The following ROBO2 variants were observed in gnomAD, a reference collection of about 807,000 sequenced individuals.
The protein encoded by ROBO2 is roundabout homolog 2.
Under a neutral mutation model 160.8 loss-of-function variants are expected in ROBO2, and 53 were observed. That is an observed-to-expected ratio of 0.33 (90% confidence interval 0.26 to 0.41). ROBO2 has a LOEUF of 0.41. Among genes scored for constraint, ROBO2 ranks in the 10% least tolerant of loss-of-function variants. The probability of loss-of-function intolerance (pLI) is 1.00; values close to 1 mark genes in which losing one functional copy is unlikely to be tolerated. For missense variants in ROBO2, 1,577 were observed against 1,722.4 expected (o/e 0.92, Z 1.49); for synonymous variants, 664 against 611.7 (o/e 1.09, Z -1.26).
At chr3:77,019,002 C>G (rs1396609758) in intron 2 of ROBO2, among the ~76,000 whole-genome samples, 1 of 152,146 alleles carries the variant, frequency 6.6e-6, no homozygotes, top group African/African-American at 2.4e-5. Context: ...CATCCCCGCT[C>G]AAGTTGGTGT....
At chr3:77,248,086 G>C (rs2089936427) in intron 2 of ROBO2, among the ~76,000 whole-genome samples, 1 of 152,184 alleles carries the variant, frequency 6.6e-6, no homozygotes, top group Non-Finnish European at 1.5e-5. Context: ...GACTGGGATG[G>C]ATGTTGGAGA....
chr3:76,654,928 T>TA (rs3065727), intron 2 of ROBO2, among the ~76,000 whole-genome samples: 44,549 of 142,538 alleles, frequency 0.31, 7,294 homozygotes, highest in East Asian at 0.4. Flanking sequence ...TATATATATA[T>TA]TTATATATAT....
At chr3:77,493,967 T>A (rs1323173779) in intron 5 of ROBO2, among the ~76,000 whole-genome samples, 1 of 152,150 alleles carries the variant, frequency 6.6e-6, no homozygotes, top group African/African-American at 2.4e-5. Flanking sequence ...CATCTCCTTC[T>A]TATTGTTCTT....
At chr3:76,760,980 T>C (rs1317435942) in intron 2 of ROBO2, among the ~76,000 whole-genome samples, 1 of 151,664 alleles carries the variant, frequency 6.6e-6, no homozygotes, top group Non-Finnish European at 1.5e-5. Flanking sequence ...GCAGTTTGAT[T>C]AAGAAGGAAA....
chr3:75,918,997 AT>A (rs1211628858), intron 1 of ROBO2, among the ~76,000 whole-genome samples: 1 of 152,004 alleles, frequency 6.6e-6, no homozygotes, highest in East Asian at 1.9e-4. Context: ...AGACAATTTG[AT>A]TTCCTCTCTT....
intron 2 of ROBO2, among the ~76,000 whole-genome samples, chr3:76,753,860 T>G (rs1228288845): frequency 6.6e-6 from 1 of 151,920 alleles, no homozygotes; most frequent in Non-Finnish European, 1.5e-5. Flanking sequence ...TCAATATAAC[T>G]GAAACAAATT....
At chr3:76,272,191 T>C (rs748366568) in intron 2 of ROBO2, among the ~76,000 whole-genome samples, 4 of 152,164 alleles carry the variant, frequency 2.6e-5, no homozygotes, top group African/African-American at 4.8e-5. Flanking sequence ...CTTGAAGTTA[T>C]GTAAAGTAGC....
At chr3:76,507,479 A>C (rs1294053773) in intron 2 of ROBO2, among the ~76,000 whole-genome samples, 2 of 152,118 alleles carry the variant, frequency 1.3e-5, no homozygotes, top group Non-Finnish European at 2.9e-5. Flanking sequence ...GGAGACAGAG[A>C]ATGTTAAATC....
At chr3:76,475,559 AT>A (rs1206974596) in intron 2 of ROBO2, among the ~76,000 whole-genome samples, 1 of 148,462 alleles carries the variant, frequency 6.7e-6, no homozygotes, top group Non-Finnish European at 1.5e-5. Flanking sequence ...ATTAAAAAAA[AT>A]TTCAACTAGA....
At chr3:76,551,230 C>T (rs1456669466) in intron 2 of ROBO2, among the ~76,000 whole-genome samples, 1 of 152,106 alleles carries the variant, frequency 6.6e-6, no homozygotes, top group Non-Finnish European at 1.5e-5. Context: ...GAAGGAGCTG[C>T]CCACTTTGAG....
intron 1 of ROBO2, among the ~76,000 whole-genome samples, chr3:77,076,539 A>T (rs1465714813): frequency 6.6e-6 from 1 of 152,070 alleles, no homozygotes; most frequent in African/African-American, 2.4e-5. Flanking sequence ...ATAATGAGTA[A>T]ATTTTTCTCT....
rs561586142 is a variant in ROBO2, at chr3:76,981,699, AAT to A, written c.110-116314_110-116313del. 1.1e-4 allele frequency among the ~76,000 whole-genome samples: 16 copies of A among 152,276 alleles called. No homozygotes were observed. The South Asian group carries it at 3.3e-3, about 32-fold the overall frequency. On this transcript the variant is annotated intron_variant, in intron 2 of 26. Transcript: ENST00000487694. ...GGTAATTTATAAAGAAAAAAGGTTT[AAT>A]TGGCTCACTATTCTGTGGGCTTTAC...
intron 2 of ROBO2, among the ~76,000 whole-genome samples, chr3:76,933,503 A>T (rs2077487215): frequency 6.6e-6 from 1 of 152,214 alleles, no homozygotes; most frequent in African/African-American, 2.4e-5. Flanking sequence ...ATACCATTCA[A>T]AACAAAATAT....
At chr3:76,795,206 G>A (rs1318661258) in intron 2 of ROBO2, among the ~76,000 whole-genome samples, 1 of 152,046 alleles carries the variant, frequency 6.6e-6, no homozygotes, top group Non-Finnish European at 1.5e-5. Flanking sequence ...TGATATTGAT[G>A]GCTGCTGGCA....
intron 2 of ROBO2, among the ~76,000 whole-genome samples, chr3:76,149,938 AAC>A (rs529007098): frequency 4.4e-4 from 66 of 151,622 alleles, no homozygotes; most frequent in African/African-American, 1.5e-3. Context: ...ATCTGTCTAA[AAC>A]ACACATCTGT....
At chr3:76,198,582 C>T (rs554456837) in intron 2 of ROBO2, among the ~76,000 whole-genome samples, 81 of 152,238 alleles carry the variant, frequency 5.3e-4, no homozygotes, top group Non-Finnish European at 8.4e-4. Context: ...TCTTCCCTTA[C>T]CAGGTCTTTT....
At chr3:76,996,860 A>G (rs1344149692) in intron 2 of ROBO2, among the ~76,000 whole-genome samples, 1 of 152,166 alleles carries the variant, frequency 6.6e-6, no homozygotes, top group Non-Finnish European at 1.5e-5. Flanking sequence ...TGCATGATTA[A>G]GTAAAGCATT....
intron 2 of ROBO2, among the ~76,000 whole-genome samples, chr3:76,593,575 T>C (rs1253354706): frequency 6.6e-6 from 1 of 152,056 alleles, no homozygotes; most frequent in Non-Finnish European, 1.5e-5. Context: ...ACTAACTTAT[T>C]AATGGTTTTC....
At chr3:76,117,750 G>C (rs902597481) in intron 2 of ROBO2, among the ~76,000 whole-genome samples, 4 of 152,094 alleles carry the variant, frequency 2.6e-5, no homozygotes, top group Admixed American at 6.6e-5. Flanking sequence ...ACATTCTAGT[G>C]GGGGAGACAG....
Sources: allele counts gnomAD v4.1 joint callset (sites outside exome capture counted in the v4.1 genomes callset), GRCh38; gene constraint gnomAD v4.1.1; transcripts MANE v1.5; gene names NCBI Gene and HGNC (gene_info 2026-07-23, HGNC 2026-07-21).